The following KCNB2 variants were observed in gnomAD, a reference collection of about 807,000 sequenced individuals.
KCNB2 encodes the protein potassium voltage-gated channel subfamily B member 2, also known as delayed rectifier potassium channel protein.
Under a neutral mutation model 61.5 loss-of-function variants are expected in KCNB2, and 15 were observed. That is an observed-to-expected ratio of 0.24 (90% CI 0.16 to 0.38). KCNB2 has a LOEUF of 0.38. KCNB2 is among the 10% of genes least tolerant of loss of function. KCNB2 has a pLI of 1.00. For missense variants in KCNB2, 828 were observed against 1,125.2 expected, an observed-to-expected ratio of 0.74 and a Z score of 3.78; for synonymous variants, 457 against 446.0, an observed-to-expected ratio of 1.02 and a Z score of -0.31.
chr8:72,712,269 G>C (rs965884552), intron 2 of KCNB2, among the ~76,000 whole-genome samples: 2 of 152,228 alleles, frequency 1.3e-5, no homozygotes, highest in African/African-American at 4.8e-5. Flanking sequence ...GGACATGCCA[G>C]GTGCCACATC....
At chr8:72,798,275 C>T (rs1474146327) in intron 2 of KCNB2, among the ~76,000 whole-genome samples, 1 of 152,094 alleles carries the variant, frequency 6.6e-6, no homozygotes, top group Non-Finnish European at 1.5e-5. Flanking sequence ...GAGTTTTATC[C>T]CAAATCTCTG....
At chr8:72,574,008 T>C (rs1053916997) in intron 2 of KCNB2, among the ~76,000 whole-genome samples, 1 of 152,206 alleles carries the variant, frequency 6.6e-6, no homozygotes, top group African/African-American at 2.4e-5. Context: ...GATGATAGAG[T>C]TTAAAAGAAC....
intron 2 of KCNB2, among the ~76,000 whole-genome samples, chr8:72,868,905 A>T (rs1371117693): frequency 6.6e-6 from 1 of 152,116 alleles, no homozygotes; most frequent in Non-Finnish European, 1.5e-5. Context: ...ACCCATCACA[A>T]AGCAAATGAC....
At chr8:72,595,978 C>T (rs1807182807) in intron 2 of KCNB2, among the ~76,000 whole-genome samples, 1 of 152,150 alleles carries the variant, frequency 6.6e-6, no homozygotes, top group Non-Finnish European at 1.5e-5. Flanking sequence ...GAAAAAGCTT[C>T]CTGACTCCTG....
intron 2 of KCNB2, among the ~76,000 whole-genome samples, chr8:72,701,235 A>G (rs1222942739): frequency 6.6e-6 from 1 of 152,170 alleles, no homozygotes; most frequent in African/African-American, 2.4e-5. Flanking sequence ...AAAAGTTAAA[A>G]TTATTTTTTA....
At chr8:72,710,459 C>CATATATAT (rs142371083) in intron 2 of KCNB2, among the ~76,000 whole-genome samples, 2 of 149,308 alleles carry the variant, frequency 1.3e-5, no homozygotes, top group Admixed American at 6.7e-5. Context: ...GCATGCTCTG[C>CATATATAT]ATATATATAT....
chr8:72,860,169 A>G (rs929417174), intron 2 of KCNB2, among the ~76,000 whole-genome samples: 3 of 152,146 alleles, frequency 2.0e-5, no homozygotes, highest in Non-Finnish European at 4.4e-5. Context: ...TTTTGTCTGG[A>G]CATATGTTTT....
chr8:72,698,940 T>C (rs1051056718), intron 2 of KCNB2, among the ~76,000 whole-genome samples: 4 of 151,706 alleles, frequency 2.6e-5, no homozygotes, highest in Non-Finnish European at 5.9e-5. Flanking sequence ...AAACCATGCC[T>C]TGGGAAAGAA....
At chr8:72,596,699 G>A (rs1394942872) in intron 2 of KCNB2, among the ~76,000 whole-genome samples, 1 of 152,054 alleles carries the variant, frequency 6.6e-6, no homozygotes, top group African/African-American at 2.4e-5. Flanking sequence ...CTCTATAAAG[G>A]TAAGGAAGTG....
intron 2 of KCNB2, among the ~76,000 whole-genome samples, chr8:72,811,697 G>A (rs139589372): frequency 5.9e-5 from 9 of 152,306 alleles, no homozygotes; most frequent in Non-Finnish European, 1.2e-4. Context: ...GCAGCCTGCA[G>A]TGTGGCCATT....
chr8:72,934,393 G>GC (rs1219593918), intron 2 of KCNB2, among the ~76,000 whole-genome samples: 1 of 26,572 alleles, frequency 3.8e-5, no homozygotes, highest in Non-Finnish European at 7.3e-5. Flanking sequence ...TTCACCCCCC[G>GC]CAAAAAAAAA....
chr8:72,824,672 C>G (rs1380139504), intron 2 of KCNB2, among the ~76,000 whole-genome samples: 1 of 152,186 alleles, frequency 6.6e-6, no homozygotes, highest in Non-Finnish European at 1.5e-5. Context: ...CCGCCCTTCT[C>G]TATAGATACT....
intron 2 of KCNB2, among the ~76,000 whole-genome samples, chr8:72,601,962 T>A (rs1160657376): frequency 6.6e-6 from 1 of 152,164 alleles, no homozygotes; most frequent in African/African-American, 2.4e-5. Context: ...ATCTTCAGAA[T>A]TGCAACTCAA....
At chr8:72,672,586 A>T (rs1806583033) in intron 2 of KCNB2, among the ~76,000 whole-genome samples, 1 of 152,146 alleles carries the variant, frequency 6.6e-6, no homozygotes, top group African/African-American at 2.4e-5. Context: ...ATTTAATATA[A>T]TCTATAGTGA....
At chr8:72,737,574 G>A (rs531600594) in intron 2 of KCNB2, among the ~76,000 whole-genome samples, 53 of 152,226 alleles carry the variant, frequency 3.5e-4, no homozygotes, top group African/African-American at 1.2e-3. Flanking sequence ...ATTATAATTG[G>A]CAAACTTCAT....
chr8:72,591,942 C>G (rs1245948796), intron 2 of KCNB2, among the ~76,000 whole-genome samples: 1 of 152,066 alleles, frequency 6.6e-6, no homozygotes, highest in Non-Finnish European at 1.5e-5. Flanking sequence ...TAACTAAAAA[C>G]TAGATAATCT....
At chr8:72,711,037 C>T (rs1004503511) in intron 2 of KCNB2, among the ~76,000 whole-genome samples, 1 of 152,192 alleles carries the variant, frequency 6.6e-6, no homozygotes, top group Non-Finnish European at 1.5e-5. Context: ...CTCTTGTGTC[C>T]ATCAATGATG....
intron 2 of KCNB2, among the ~76,000 whole-genome samples, chr8:72,865,335 G>A (rs1489429733): frequency 6.6e-6 from 1 of 151,920 alleles, no homozygotes; most frequent in Non-Finnish European, 1.5e-5. Context: ...GAAATACTCT[G>A]CCCCAAAGCA....
chr8:72,916,800 C>T (rs939062179), intron 2 of KCNB2, among the ~76,000 whole-genome samples: 1 of 152,190 alleles, frequency 6.6e-6, no homozygotes, highest in Admixed American at 6.5e-5. Flanking sequence ...TGGCCATCCC[C>T]AGCCACACTT....
Sources: allele counts gnomAD v4.1 joint callset (sites outside exome capture counted in the v4.1 genomes callset), GRCh38; gene constraint gnomAD v4.1.1; transcripts MANE v1.5; gene names NCBI Gene and HGNC (gene_info 2026-07-23, HGNC 2026-07-21).